Variants in ZNF429 observed in about 807,000 individuals in gnomAD.
ZNF429 encodes zinc finger protein 429.
ZNF429 carries 53 observed loss-of-function variants against 56.8 expected under a neutral mutation model. The observed-to-expected ratio is 0.93, with a 90% CI of 0.75 to 1.17. The LOEUF is 1.17. Among genes scored for constraint, ZNF429 ranks in the 50% most tolerant of loss-of-function variants. ZNF429 has a pLI of 0.00. For synonymous variants in ZNF429, 278 were observed against 264.7 expected, an observed-to-expected ratio of 1.05 and a Z score of -0.49; for missense variants, 849 against 788.4, an observed-to-expected ratio of 1.08 and a Z score of -0.92.
At chr19:21,530,288 A>AT in intron 2 of ZNF429, among the ~76,000 whole-genome samples, 7 of 151,794 alleles carry the variant, frequency 4.6e-5, no homozygotes, top group African/African-American at 1.7e-4. Flanking sequence ...TCCTGAGCTG[A>AT]TTTGTATTAT....
At chr19:21,517,952 C>A (rs1313901016) in intron 1 of ZNF429, among the ~76,000 whole-genome samples, 2 of 151,892 alleles carry the variant, frequency 1.3e-5, no homozygotes, top group Admixed American at 1.3e-4. Flanking sequence ...CGCCACCATG[C>A]CTGGCTAATT....
At chr19:21,520,601 A>T (rs1471115369) in intron 1 of ZNF429, among the ~76,000 whole-genome samples, 3 of 152,120 alleles carry the variant, frequency 2.0e-5, no homozygotes, top group African/African-American at 7.2e-5. Context: ...TAGTCTTGTA[A>T]AGTAGACACA....
intron 1 of ZNF429, among the ~76,000 whole-genome samples, chr19:21,514,547 T>C (rs1420266072): frequency 6.6e-6 from 1 of 152,066 alleles, no homozygotes; most frequent in African/African-American, 2.4e-5. Flanking sequence ...CAGCATTCCG[T>C]GATGTTTATA....
intron 1 of ZNF429, among the ~76,000 whole-genome samples, chr19:21,507,993 C>G (rs943286974): frequency 3.9e-5 from 6 of 152,178 alleles, no homozygotes; most frequent in African/African-American, 1.4e-4. Context: ...TGGCTCACGC[C>G]TGTAATCCCA....
At chr19:21,533,768 C>T in intron 3 of ZNF429, among the ~76,000 whole-genome samples, 1 of 152,012 alleles carries the variant, frequency 6.6e-6, no homozygotes, top group East Asian at 1.9e-4. Context: ...ATTCTTCTGC[C>T]TCAACCTCCC....
At chr19:21,524,605 G>A (rs1385562208) in intron 1 of ZNF429, among the ~76,000 whole-genome samples, 3 of 152,136 alleles carry the variant, frequency 2.0e-5, no homozygotes, top group Non-Finnish European at 4.4e-5. Context: ...ATCAGGACGG[G>A]TGATCCAGGT....
At chr19:21,530,846 G>A in intron 3 of ZNF429, among the ~76,000 whole-genome samples, 162 bp downstream of exon 3, 7 of 151,992 alleles carry the variant, frequency 4.6e-5, no homozygotes. Context: ...TGGTTCACAC[G>A]TGTAATCCCA....
intron 1 of ZNF429, among the ~76,000 whole-genome samples, chr19:21,526,794 G>A (rs1206853672): frequency 6.6e-6 from 1 of 152,182 alleles, no homozygotes. Context: ...TGTCTCTCAG[G>A]TCCTGCAGGA....
At position 21,530,677 on chromosome 19, in the gene ZNF429, AC is replaced by A. The variant is rs751571156; in HGVS notation, c.224del (p.Pro75GlnfsTer17). On this transcript the variant is annotated frameshift_variant, in exon 3 of 4. Coordinates refer to ENST00000358491, the MANE Select transcript of ZNF429 (RefSeq NM_001001415.4). LOFTEE classifies it high-confidence loss of function. ...TGAAGCGACATGAAATGGTGGATGAACCCCCAGGTAGGTGAGAGTGAACACA... is the reference window on the plus strand; with the variant it reads ...TGAAGCGACATGAAATGGTGGATGAACCCCAGGTAGGTGAGAGTGAACACA... ...KMKRHEMVDE[P>X]PVVCSHFAED... 3.7e-6 allele frequency: 6 copies of A among 1,607,030 alleles called. No individual in the cohort carries two copies. In the Admixed American group the frequency reaches 6.7e-5, roughly 18 times the overall value.
At chr19:21,506,760 G>GTTTTTTTTTTTTT (rs539545648) in intron 1 of ZNF429, among the ~76,000 whole-genome samples, 9 of 119,658 alleles carry the variant, frequency 7.5e-5, no homozygotes, top group Admixed American at 8.9e-5. Flanking sequence ...ATTTGAGTTA[G>GTTTTTTTTTTTTT]TTTTTTGTTT....
chr19:21,529,255 C>T (rs1191769672), intron 1 of ZNF429: 3 of 153,604 alleles, frequency 2.0e-5, no homozygotes, highest in African/African-American at 7.2e-5. Context: ...ATCTTCAGTT[C>T]ATTGAACACA....
chr19:21,534,024 GTTT>G, intron 3 of ZNF429, among the ~76,000 whole-genome samples: 1 of 151,908 alleles, frequency 6.6e-6, no homozygotes, highest in Non-Finnish European at 1.5e-5. Context: ...GTACCACATT[GTTT>G]TTGTTACTGT....
At chr19:21,516,300 G>T (rs954669035) in intron 1 of ZNF429, among the ~76,000 whole-genome samples, 3 of 151,960 alleles carry the variant, frequency 2.0e-5, no homozygotes, top group African/African-American at 7.3e-5. Context: ...TGTTAGCCAG[G>T]ATGGCTTCAA....
chr19:21,535,792 C>T, intron 3 of ZNF429, among the ~76,000 whole-genome samples: 1 of 152,046 alleles, frequency 6.6e-6, no homozygotes, highest in Non-Finnish European at 1.5e-5. Context: ...GGATTACAGG[C>T]ATGAGCCACC....
At chr19:21,509,795 T>TA (rs558508789) in intron 1 of ZNF429, among the ~76,000 whole-genome samples, 10 of 151,986 alleles carry the variant, frequency 6.6e-5, no homozygotes, top group East Asian at 3.9e-4. Context: ...TAGATTTGTA[T>TA]AAAAAAAAGA....
chr19:21,519,180 A>T (rs368084907), intron 1 of ZNF429, among the ~76,000 whole-genome samples: 18 of 152,252 alleles, frequency 1.2e-4, no homozygotes, highest in African/African-American at 4.3e-4. Flanking sequence ...AGGCTGACTT[A>T]TCCTAGAGGC....
At chr19:21,510,518 C>T (rs1354026625) in intron 1 of ZNF429, among the ~76,000 whole-genome samples, 4 of 152,166 alleles carry the variant, frequency 2.6e-5, no homozygotes, top group African/African-American at 9.7e-5. Flanking sequence ...ACAATGGCTA[C>T]TTCACAGACA....
At chr19:21,512,167 A>G (rs2032514802) in intron 1 of ZNF429, among the ~76,000 whole-genome samples, 1 of 152,172 alleles carries the variant, frequency 6.6e-6, no homozygotes, top group African/African-American at 2.4e-5. Context: ...TCCCCTTTTT[A>G]GACCATACAG....
chr19:21,540,517 A>T lies in ZNF429; in HGVS notation c.*2439A>T, dbSNP rs1181918127. ...TTACATCAGGGTAAATTATGTAGCCATTACTTGTAACATTTATCTTTTACA... is the reference window on the plus strand; with the variant it reads ...TTACATCAGGGTAAATTATGTAGCCTTTACTTGTAACATTTATCTTTTACA... On this transcript the variant is annotated 3_prime_UTR_variant, in exon 4 of 4. Coordinates refer to ENST00000358491, the MANE Select transcript of ZNF429 (RefSeq NM_001001415.4). Among the ~76,000 whole-genome samples, 10 of 152,130 alleles carry T rather than the reference A, an allele frequency of 6.6e-5. No homozygotes were observed. The highest frequency in any genetic ancestry group is 6.6e-4 in the Admixed American group (10 of 15,262).
Sources: allele counts gnomAD v4.1 joint callset (sites outside exome capture counted in the v4.1 genomes callset), GRCh38; gene constraint gnomAD v4.1.1; transcripts MANE v1.5; gene names NCBI Gene and HGNC (gene_info 2026-07-23, HGNC 2026-07-21).